UGT1A8: variants seen among roughly 807,000 people sequenced by gnomAD.
The protein encoded by UGT1A8 is UDP-glucuronosyltransferase 1A8.
A neutral mutation model predicts 45.3 loss-of-function variants in UGT1A8; 39 were observed. That is an observed-to-expected ratio of 0.86 (90% CI 0.67 to 1.12). UGT1A8 has a LOEUF of 1.12. Ranked by LOEUF, UGT1A8 falls within the 50% of genes most tolerant of loss-of-function variation. The probability of loss-of-function intolerance (pLI) is 0.00; values close to 1 mark genes in which losing one functional copy is unlikely to be tolerated. For missense variants in UGT1A8, 719 were observed against 664.9 expected (o/e 1.08, Z -0.90); for synonymous variants, 275 against 249.2 (o/e 1.10, Z -0.97).
chr2:233,687,509 G>A (rs1242887907), intron 1 of UGT1A8, among the ~76,000 whole-genome samples: 2 of 150,958 alleles, frequency 1.3e-5, no homozygotes, highest in Non-Finnish European at 2.9e-5. Context: ...GAGGCACAGA[G>A]GGGTTGAGTG....
rs34993780 is a variant in UGT1A8 at position 233,772,413 on chromosome 2, T to C, written c.1447T>C (p.Tyr483His). 6.2e-7 allele frequency: 1 copy of C among 1,614,064 alleles called. No homozygotes were observed. The highest frequency in any genetic ancestry group is 8.5e-7 in the Non-Finnish European group (1 of 1,180,038). The change falls in exon 5 of 5, where the codon TAC becomes CAC. Residue 483 changes from tyrosine (Y) to histidine (H), a missense_variant. By Grantham distance (83) the Tyr-to-His change is moderately conservative (BLOSUM62 2). Coordinates refer to ENST00000373450, the MANE Select transcript of UGT1A8 (RefSeq NM_019076.5). ...AGCCCACGACCTCACCTGGTACCAG[T>C]ACCATTCCTTGGACGTGATTGGTTT... The part of the protein sequence containing the change: ...PAAHDLTWYQ[Y>H]HSLDVIGFLL...
At chr2:233,678,216 C>G (rs1460617263) in intron 1 of UGT1A8, among the ~76,000 whole-genome samples, 1 of 152,192 alleles carries the variant, frequency 6.6e-6, no homozygotes, top group Non-Finnish European at 1.5e-5. Flanking sequence ...GTACTATGCT[C>G]AGTACTTGGG....
chr2:233,690,371 T>G (rs760967096), intron 1 of UGT1A8: 16 of 873,752 alleles, frequency 1.8e-5, no homozygotes, highest in Non-Finnish European at 2.5e-5. Context: ...AACCTCTCCA[T>G]AGGGTCCACG....
chr2:233,676,215 C>T (rs1262027690), intron 1 of UGT1A8, among the ~76,000 whole-genome samples: 2 of 152,116 alleles, frequency 1.3e-5, no homozygotes, highest in East Asian at 1.9e-4. Flanking sequence ...AATCCTTCAC[C>T]GATGGATTCA....
At chr2:233,684,767 A>C (rs1046318119) in intron 1 of UGT1A8, among the ~76,000 whole-genome samples, 1 of 152,300 alleles carries the variant, frequency 6.6e-6, no homozygotes, top group East Asian at 1.9e-4. Context: ...TCAGATCATA[A>C]AGAGTGCCCT....
chr2:233,748,025 C>T, intron 1 of UGT1A8: 1 of 1,613,520 alleles, frequency 6.2e-7, no homozygotes, highest in Non-Finnish European at 8.5e-7. Flanking sequence ...CGATCATGCC[C>T]AACATGGTCT....
At position 233,772,646 on chromosome 2, in the gene UGT1A8, A is replaced by C; in HGVS notation, c.*87A>C. 6.5e-7 allele frequency: 1 copy of C among 1,549,870 alleles called. No homozygotes were observed. The highest frequency in any genetic ancestry group is 8.7e-7 in the Non-Finnish European group (1 of 1,147,250). ...ACAGAATCAGTGTTAAATTCATTTT[A>C]TTCTTATTAAGGAAATACTTTGCAT... On this transcript the variant is annotated 3_prime_UTR_variant, in exon 5 of 5. Coordinates refer to ENST00000373450, the MANE Select transcript of UGT1A8 (RefSeq NM_019076.5).
Position 233,618,139 on chromosome 2 carries a change from G to A in UGT1A8, c.432G>A (p.Ala144=), listed in dbSNP as rs1042590. Residue 144 remains alanine (A), a synonymous_variant, in exon 1 of 5, where the codon GCG becomes GCA. Transcript: ENST00000373450. ...ACTTAAAGGAGAGTTCTTTTGATGC[G>A]GTGTTTCTTGATCCTTTTGATGCCT... The part of the protein sequence containing the change: ...VEYLKESSFD[A]VFLDPFDACG... The A allele has an allele frequency of 2.2e-4, 351 of 1,613,846 alleles. No homozygotes were observed. In the Admixed American group the frequency reaches 3.9e-3, roughly 18 times the overall value.
intron 1 of UGT1A8, chr2:233,648,781 A>C (rs1194308938): frequency 3.5e-6 from 3 of 847,236 alleles, no homozygotes; most frequent in African/African-American, 1.7e-5. Context: ...CATGACTTTT[A>C]AGGAGAGAGT....
At chr2:233,672,726 C>G in intron 1 of UGT1A8, 1 of 1,613,866 alleles carries the variant, frequency 6.2e-7, no homozygotes, top group Non-Finnish European at 8.5e-7. Context: ...ATCCCAAACC[C>G]GTGATGCCCA....
At chr2:233,742,175 T>C (rs1052722591) in intron 1 of UGT1A8, among the ~76,000 whole-genome samples, 7 of 151,768 alleles carry the variant, frequency 4.6e-5, no homozygotes, top group African/African-American at 1.5e-4. Flanking sequence ...CACAGAAATA[T>C]AGAGTGTGGA....
chr2:233,737,111 A>G (rs1182220663), intron 1 of UGT1A8, among the ~76,000 whole-genome samples: 1 of 152,120 alleles, frequency 6.6e-6, no homozygotes. Context: ...TGTTCCCCAC[A>G]TGTTCAGAAG....
intron 1 of UGT1A8, chr2:233,672,199 G>A (rs1230012228): frequency 9.3e-6 from 15 of 1,614,160 alleles, no homozygotes; most frequent in Non-Finnish European, 1.2e-5. Context: ...TCTGGACCGG[G>A]AGTTCAAGGC....
chr2:233,690,976 A>T (rs1234875784), intron 1 of UGT1A8: 6 of 1,000,018 alleles, frequency 6.0e-6, no homozygotes, highest in East Asian at 1.1e-4. Flanking sequence ...TAAGAACAGG[A>T]CCCACATATG....
At chr2:233,748,802 C>G (rs1371204556) in intron 1 of UGT1A8, among the ~76,000 whole-genome samples, 1 of 151,284 alleles carries the variant, frequency 6.6e-6, no homozygotes, top group African/African-American at 2.5e-5. Context: ...CTGAAATTAT[C>G]AAGAAATTGT....
At chr2:233,727,115 G>A (rs1162541205) in intron 1 of UGT1A8, among the ~76,000 whole-genome samples, 1 of 152,220 alleles carries the variant, frequency 6.6e-6, no homozygotes, top group Non-Finnish European at 1.5e-5. Context: ...TTAGGTCTGT[G>A]AGATTGGCAG....
chr2:233,654,662 T>C (rs1339332172), intron 1 of UGT1A8, among the ~76,000 whole-genome samples: 1 of 152,198 alleles, frequency 6.6e-6, no homozygotes, highest in Non-Finnish European at 1.5e-5. Flanking sequence ...CAACACCAAT[T>C]GCTACAGGAA....
chr2:233,724,111 G>A (rs2077170036), intron 1 of UGT1A8, among the ~76,000 whole-genome samples: 1 of 116,358 alleles, frequency 8.6e-6, no homozygotes. Context: ...GGGCGGCCGG[G>A]CAGAGGCGCC....
chr2:233,708,423 A>G (rs759407655), intron 1 of UGT1A8: 8 of 152,174 alleles, frequency 5.3e-5, no homozygotes, highest in Non-Finnish European at 1.0e-4. Flanking sequence ...ACCAGTGAAG[A>G]TAAGAACTGG....
Sources: gnomAD v4.1 joint callset for allele counts (sites outside exome capture counted in the v4.1 genomes callset) on GRCh38, gnomAD v4.1.1 for gene constraint, MANE v1.5 for transcripts, NCBI Gene and HGNC (gene_info 2026-07-23, HGNC 2026-07-21) for gene names.